PARP16: variants seen among roughly 807,000 people sequenced by gnomAD.
PARP16 encodes the protein protein mono-ADP-ribosyltransferase PARP16.
Under a neutral mutation model 35.0 loss-of-function variants are expected in PARP16, and 31 were observed. The ratio of observed to expected loss-of-function variants is 0.88; its 90% CI spans 0.66 to 1.19. The LOEUF (loss-of-function observed/expected upper bound fraction) is 1.19. Among genes scored for constraint, PARP16 ranks in the 50% most tolerant of loss-of-function variants. The pLI, the probability that PARP16 is intolerant of heterozygous loss-of-function variation, is 0.00. For missense variants in PARP16, 424 were observed against 411.2 expected (o/e 1.03, Z -0.27); for synonymous variants, 162 against 169.5 (o/e 0.96, Z 0.34).
chr15:65,247,963 C>G (rs1320553113), intron 3 of PARP16, among the ~76,000 whole-genome samples: 1 of 152,060 alleles, frequency 6.6e-6, no homozygotes, highest in South Asian at 2.1e-4. Context: ...CGCCACCACG[C>G]CCGGCTAATT....
Position 65,270,969 on chromosome 15 carries a change from T to G in PARP16, c.278A>C (p.Lys93Thr). 6.2e-7 allele frequency: 1 copy of G among 1,614,114 alleles called. No individual in the cohort carries two copies. Among genetic ancestry groups the G allele is most frequent in the South Asian group, 1.1e-5 (1 of 91,074 alleles). Residue 93 changes from lysine to threonine, a missense_variant, in exon 2 of 6, where the codon AAG becomes ACG. Coordinates refer to ENST00000649807, the MANE Select transcript of PARP16 (RefSeq NM_001316943.2). ...WDLVSWILSS[K>T]VLTIHSAGKA... is the part of the protein sequence containing the mutation. Reference sequence around the variant, plus strand: ...CCCTGCACTGTGGATTGTCAGGACCTTTGAGGATAAAATCCAGCTCACCAG... The same window carrying G: ...CCCTGCACTGTGGATTGTCAGGACCGTTGAGGATAAAATCCAGCTCACCAG...
At chr15:65,249,614 G>T (rs1033363979) in intron 2 of PARP16, among the ~76,000 whole-genome samples, 24 of 152,262 alleles carry the variant, frequency 1.6e-4, no homozygotes, top group African/African-American at 5.8e-4. Context: ...ATGCTGCTGA[G>T]CCCAGCTGGC....
chr15:65,266,562 C>A lies in PARP16; in HGVS notation c.519G>T (p.Lys173Asn). 1.2e-6 allele frequency: 2 copies of A among 1,613,272 alleles called. No individual in the cohort carries two copies. The highest frequency in any genetic ancestry group is 1.7e-6 in the Non-Finnish European group (2 of 1,179,216). The change falls in exon 3 of 6, where the codon AAG (lysine) becomes AAT (asparagine). Residue 173 changes from lysine (K) to asparagine (N), a missense_variant and splice_region_variant. Physicochemically the swap from Lys to Asn is moderately conservative, Grantham distance 94. Coordinates refer to ENST00000649807, the MANE Select transcript of PARP16 (RefSeq NM_001316943.2). Reference sequence around the variant, plus strand: ...CAGCAGGGTGTCCCTTAGGCCCCACCTTGTTCAGATGGCAGTGCAGGCCAT... The same window carrying A: ...CAGCAGGGTGTCCCTTAGGCCCCACATTGTTCAGATGGCAGTGCAGGCCAT... ...IHNGLHCHLN[K>N]TSLFGEGTYL...
downstream of PARP16, among the ~76,000 whole-genome samples, chr15:65,255,000 T>TC (rs997695444): frequency 2.6e-5 from 4 of 151,986 alleles, no homozygotes; most frequent in African/African-American, 9.7e-5. Flanking sequence ...CTGTGAGAGG[T>TC]CCCCCCTTAC....
At chr15:65,276,672 A>T (rs1049759360) in intron 1 of PARP16, among the ~76,000 whole-genome samples, 2 of 151,878 alleles carry the variant, frequency 1.3e-5, no homozygotes, top group South Asian at 2.1e-4. Context: ...CAGCCAACAA[A>T]TTTTTTTTAG....
chr15:65,270,861 G>C (rs2090071016), intron 2 of PARP16, 74 bp downstream of exon 2: 1 of 1,456,498 alleles, frequency 6.9e-7, no homozygotes, highest in Admixed American at 1.8e-5. Flanking sequence ...GGAAGTCTCA[G>C]AGCCACTGGA....
chr15:65,254,670 G>A (rs549436054), downstream of PARP16, among the ~76,000 whole-genome samples: 2 of 152,232 alleles, frequency 1.3e-5, no homozygotes, highest in East Asian at 3.9e-4. Context: ...ATGGCAACGG[G>A]ATGAATGCTG....
At chr15:65,249,336 G>A (rs757281124) in intron 2 of PARP16, among the ~76,000 whole-genome samples, 6 of 152,120 alleles carry the variant, frequency 3.9e-5, no homozygotes, top group Non-Finnish European at 7.4e-5. Context: ...GGGTGAAGGG[G>A]CTCCCACCCC....
At chr15:65,252,060 G>A (rs2089377740) in intron 2 of PARP16, among the ~76,000 whole-genome samples, 1 of 152,132 alleles carries the variant, frequency 6.6e-6, no homozygotes, top group African/African-American at 2.4e-5. Flanking sequence ...CACTGCACCC[G>A]GCCCACATGC....
chr15:65,255,337 A>T (rs953146876), downstream of PARP16, among the ~76,000 whole-genome samples: 7 of 152,204 alleles, frequency 4.6e-5, no homozygotes, highest in African/African-American at 1.7e-4. Context: ...TTAAAATTAG[A>T]AGAAAAAAAC....
chr15:65,271,139 T>C, intron 1 of PARP16, 67 bp from the exon 2 acceptor site: 2 of 1,529,718 alleles, frequency 1.3e-6, no homozygotes, highest in Non-Finnish European at 9.0e-7. Context: ...GGCCCTCTAG[T>C]GGGAAGGCAG....
chr15:65,265,711 G>A (rs1596022261), intron 3 of PARP16, among the ~76,000 whole-genome samples: 2 of 152,226 alleles, frequency 1.3e-5, no homozygotes, highest in East Asian at 3.9e-4. Context: ...TGTGGATTCC[G>A]ATCAGGTGGT....
Position 65,271,315 on chromosome 15 carries a change from C to A in PARP16, c.175-243G>T, listed in dbSNP as rs192038874. On this transcript the variant is annotated intron_variant, in intron 1 of 5. Transcript: ENST00000649807. The stretch of plus-strand genomic sequence containing the variant: ...TTGAGACAGGGTCTCACTCTGTCGC[C>A]CAGGCTGGAGAGCAGTGGCATGATC... Among the ~76,000 whole-genome samples the A allele has an allele frequency of 6.6e-5, 10 of 152,134 alleles. No individual in the cohort carries two copies. In the East Asian group the frequency reaches 1.5e-3, roughly 24 times the overall value.
intron 2 of PARP16, among the ~76,000 whole-genome samples, chr15:65,252,388 A>G (rs1393159491): frequency 1.3e-5 from 2 of 152,112 alleles, no homozygotes; most frequent in East Asian, 3.9e-4. Flanking sequence ...ATCCCTACAG[A>G]CCTCTGATAG....
intron 3 of PARP16, among the ~76,000 whole-genome samples, chr15:65,247,431 T>C (rs2089238667): frequency 6.6e-6 from 1 of 152,194 alleles, no homozygotes; most frequent in African/African-American, 2.4e-5. Context: ...CCAGAGCTTC[T>C]AAAATTAGGC....
Position 65,286,359 on chromosome 15 carries a change from C to T in PARP16, c.68G>A (p.Arg23Gln). ...CAGGGCCGAGGCGAAGAGGCTGCAC[C>T]GGAGGTCGGCGGCCAGCATGTCGCG... is the stretch of plus-strand genomic sequence containing the variant. ...AGRDMLAADL[R>Q]CSLFASALQS... Residue 23 changes from arginine (R) to glutamine (Q), a missense_variant, in exon 1 of 6, where the codon CGG becomes CAG. Transcript: ENST00000649807. 6.3e-7 allele frequency: 1 copy of T among 1,581,620 alleles called. No homozygotes were observed. Among genetic ancestry groups the T allele is most frequent in the Non-Finnish European group, 8.6e-7 (1 of 1,166,476 alleles).
chr15:65,231,469 TG>T (rs1271505255), downstream of PARP16, among the ~76,000 whole-genome samples: 13 of 151,712 alleles, frequency 8.6e-5, no homozygotes, highest in Admixed American at 7.9e-4. Flanking sequence ...TTTTTTTTTT[TG>T]AGAGTTTCGC....
chr15:65,275,968 A>G (rs2090240877), intron 1 of PARP16, among the ~76,000 whole-genome samples: 1 of 152,178 alleles, frequency 6.6e-6, no homozygotes, highest in African/African-American at 2.4e-5. Flanking sequence ...AGAGCCCCAC[A>G]AAAGGACAGT....
Position 65,286,523 on chromosome 15 carries a change from T to C in PARP16, c.-97A>G. On this transcript the variant is annotated 5_prime_UTR_variant, in exon 1 of 6. Transcript: ENST00000649807. The stretch of plus-strand genomic sequence containing the variant: ...GGCTGGGCCCGCGGACAATGGGCCG[T>C]CAGGGGCCGGGTTCCCAAGCCTGGG... The C allele has an allele frequency of 1.0e-6, 1 of 961,414 alleles. No individual in the cohort carries two copies. Among genetic ancestry groups the C allele is most frequent in the Non-Finnish European group, 1.4e-6 (1 of 693,120 alleles). 59.6% of individuals were successfully genotyped at this position (961,414 alleles called of 1,614,324 possible).
Sources: gnomAD v4.1 joint callset for allele counts (sites outside exome capture counted in the v4.1 genomes callset) on GRCh38, gnomAD v4.1.1 for gene constraint, MANE v1.5 for transcripts, NCBI Gene and HGNC (gene_info 2026-07-23, HGNC 2026-07-21) for gene names.